NEK4: variants seen among roughly 807,000 people sequenced by gnomAD.
The protein encoded by NEK4 is serine/threonine-protein kinase Nek4.
Under a neutral mutation model 98.4 loss-of-function variants are expected in NEK4, and 86 were observed. That is an observed-to-expected ratio of 0.87 (90% CI 0.73 to 1.05). The LOEUF is 1.05. NEK4 is among the 50% of genes least tolerant of loss of function. The pLI, the probability that NEK4 is intolerant of heterozygous loss-of-function variation, is 0.00. For synonymous variants in NEK4, 328 were observed against 342.2 expected (o/e 0.96, Z 0.46); for missense variants, 898 against 950.3 (o/e 0.94, Z 0.72).
rs1187951172 is a variant in NEK4 at position 52,760,671 on chromosome 3, A to C, written c.963+124T>G. 3 of 743,968 alleles carry C rather than the reference A, an allele frequency of 4.0e-6. No individual in the cohort carries two copies. In the African/African-American group the frequency reaches 5.3e-5, roughly 13 times the overall value. The allele number at this position is 743,968 out of a possible 1,614,324, so 46.1% of individuals were successfully genotyped here. A position where few individuals can be genotyped will look rare whatever the true frequency, so the allele number is the denominator to read the frequency against. On this transcript the variant is annotated intron_variant, in intron 6 of 15. Transcript: ENST00000233027. The stretch of plus-strand genomic sequence containing the variant: ...TAACCAGTATTCTTTCTTTACAGTA[A>C]GGAATTAATTGTACAACAGAATCTC...
chr3:52,733,917 A>C (rs538215018), intron 15 of NEK4: 4 of 279,678 alleles, frequency 1.4e-5, no homozygotes, highest in African/African-American at 8.9e-5. Flanking sequence ...CAACATTGGA[A>C]GACTCACATA....
intron 6 of NEK4, among the ~76,000 whole-genome samples, chr3:52,752,913 A>AT (rs1445089078): frequency 7.9e-5 from 5 of 63,586 alleles, no homozygotes; most frequent in African/African-American, 4.0e-4. Flanking sequence ...AAAAAAAAAA[A>AT]AAAAATATAT....
chr3:52,743,343 G>T lies in NEK4; in HGVS notation c.2004+9C>A. On this transcript the variant is annotated intron_variant, in intron 12 of 15. Transcript: ENST00000233027. ...TGTCCACCTTCTCTCTTAGGAGTAC[G>T]TAATGCACCTGAGTGACGCTGCAGT... 6.2e-7 allele frequency: 1 copy of T among 1,604,892 alleles called. No individual in the cohort carries two copies. Among genetic ancestry groups the T allele is most frequent in the Non-Finnish European group, 8.5e-7 (1 of 1,171,684 alleles).
chr3:52,724,164 C>CAA (rs1243468906), intron 15 of NEK4, among the ~76,000 whole-genome samples: 6 of 151,498 alleles, frequency 4.0e-5, no homozygotes, highest in Non-Finnish European at 2.9e-5. Flanking sequence ...ACCCGGGAGA[C>CAA]AGAGGTTGCA....
At chr3:52,711,986 T>C (rs539906632) in intron 15 of NEK4, 117 bp from the exon 16 acceptor site, 1 of 579,788 alleles carries the variant, frequency 1.7e-6, no homozygotes. Flanking sequence ...TACAGGAAAA[T>C]ACTAATAGTT....
chr3:52,728,046 A>G (rs1475902207), intron 15 of NEK4, among the ~76,000 whole-genome samples: 1 of 152,196 alleles, frequency 6.6e-6, no homozygotes, highest in African/African-American at 2.4e-5. Context: ...CAGCCTGGGC[A>G]ATATAGACAG....
At chr3:52,725,832 C>G (rs915067891) in intron 15 of NEK4, among the ~76,000 whole-genome samples, 16 of 151,726 alleles carry the variant, frequency 1.1e-4, no homozygotes, top group African/African-American at 3.6e-4. Context: ...ATAATGCATA[C>G]AGAACATAAA....
At position 52,760,803 on chromosome 3, in the gene NEK4, A is replaced by T; in HGVS notation, c.955T>A (p.Tyr319Asn). 1 of 1,603,982 alleles carries T rather than the reference A, an allele frequency of 6.2e-7. No homozygotes were observed. Among genetic ancestry groups the T allele is most frequent in the Admixed American group, 1.7e-5 (1 of 57,192 alleles). ...QPLSSEGSQT[Y>N]IMGEGKCLSQ... ...TTTAAAAAGAAACGTACCATTATAT[A>T]TGTCTGGGAGCCCTCAGAAGAGAGT... Residue 319 changes from tyrosine to asparagine, a missense_variant, in exon 6 of 16, where the codon TAT becomes AAT. By Grantham distance (143) the Tyr-to-Asn change is moderately radical (BLOSUM62 -2). Coordinates refer to ENST00000233027, the MANE Select transcript of NEK4 (RefSeq NM_003157.6).
chr3:52,715,383 G>C (rs569515439), intron 15 of NEK4, among the ~76,000 whole-genome samples: 1 of 152,250 alleles, frequency 6.6e-6, no homozygotes, highest in South Asian at 2.1e-4. Context: ...GATCTCCTCT[G>C]AGCTGTTCTC....
intron 14 of NEK4, among the ~76,000 whole-genome samples, chr3:52,738,073 A>G (rs61050295): frequency 1.3e-5 from 2 of 151,676 alleles, no homozygotes; most frequent in East Asian, 1.9e-4. Flanking sequence ...TCAGCCTCCC[A>G]AAGTGCTGGG....
intron 4 of NEK4, among the ~76,000 whole-genome samples, chr3:52,763,867 T>C (rs1007947181): frequency 6.6e-5 from 10 of 152,056 alleles, no homozygotes; most frequent in African/African-American, 2.4e-4. Flanking sequence ...GAAATAAGAG[T>C]ATGAGTTTCC....
chr3:52,767,363 A>G (rs1698605850), intron 2 of NEK4, among the ~76,000 whole-genome samples: 1 of 152,138 alleles, frequency 6.6e-6, no homozygotes, highest in Admixed American at 6.5e-5. Context: ...TCTCAGACCC[A>G]TGAAATCCTC....
In NEK4 at chr3:52,739,648, AT is replaced by A; in HGVS notation, c.2094-15del. On this transcript the variant is annotated splice_polypyrimidine_tract_variant and intron_variant, in intron 13 of 15. Transcript: ENST00000233027. ...GTCTGACCTTTCCTGGGGGAAAAAA[AT>A]ATCCCTTTGTTATTTAATTGGCTTC... is the stretch of plus-strand genomic sequence containing the variant. 6.3e-7 allele frequency: 1 copy of A among 1,598,980 alleles called. No homozygotes were observed. The highest frequency in any genetic ancestry group is 8.6e-7 in the Non-Finnish European group (1 of 1,168,542).
Position 52,711,777 on chromosome 3 carries a change from T to G in NEK4, c.2526A>C (p.Ter842CysextTer10), listed in dbSNP as rs770777005. Residue 842 changes from the stop codon to cysteine (C), a stop_lost, in exon 16 of 16, where the codon TGA becomes TGC. Coordinates refer to ENST00000233027, the MANE Select transcript of NEK4 (RefSeq NM_003157.6). Reference protein sequence around the residue: ...LKFFEENMNF* With the variant: ...LKFFEENMNFC ...TCTGGCAGCAGATTAGGACAAATGC[T>G]CAAAAATTCATGTTTTCTTCAAAAA... The G allele has an allele frequency of 1.3e-6, 2 of 1,596,864 alleles. No homozygotes were observed. The highest frequency in any genetic ancestry group is 2.2e-5 in the South Asian group (2 of 90,190).
chr3:52,751,508 C>G (rs1578677362), intron 7 of NEK4, among the ~76,000 whole-genome samples: 1 of 150,364 alleles, frequency 6.7e-6, no homozygotes, highest in Non-Finnish European at 1.5e-5. Flanking sequence ...GTAATCCCAG[C>G]TACTCAGGAG....
At position 52,711,405 on chromosome 3, in the gene NEK4, A is replaced by G. The variant is rs1185623323; in HGVS notation, c.*372T>C. On this transcript the variant is annotated 3_prime_UTR_variant, in exon 16 of 16. Transcript: ENST00000233027. Reference sequence around the variant, plus strand: ...GTCATTTGTTTCTCCTACTGCTTTTATCTCTACATTACAATATAAAATTTT... The same window carrying G: ...GTCATTTGTTTCTCCTACTGCTTTTGTCTCTACATTACAATATAAAATTTT... 2 of 157,842 alleles carry G rather than the reference A, an allele frequency of 1.3e-5. No homozygotes were observed. The highest frequency in any genetic ancestry group is 2.8e-5 in the Non-Finnish European group (2 of 71,698). 9.8% of individuals were successfully genotyped at this position (157,842 alleles called of 1,614,324 possible).
intron 6 of NEK4, among the ~76,000 whole-genome samples, chr3:52,757,473 G>A (rs1005527994): frequency 1.3e-5 from 2 of 151,532 alleles, no homozygotes; most frequent in Admixed American, 6.6e-5. Flanking sequence ...CAGGAGAATC[G>A]CTTGAACCTG....
In NEK4 at chr3:52,770,756, G is replaced by T; in HGVS notation, c.-10C>A. Reference sequence around the variant, plus strand: ...AGGCGGCCAGGGGCATGTTCCCAGCGCTGGCCCAGAGTCGGGATGCGGCGG... The same window carrying T: ...AGGCGGCCAGGGGCATGTTCCCAGCTCTGGCCCAGAGTCGGGATGCGGCGG... On this transcript the variant is annotated 5_prime_UTR_variant, in exon 1 of 16. Transcript: ENST00000233027. 1 of 1,556,338 alleles carries T rather than the reference G, an allele frequency of 6.4e-7. No homozygotes were observed.
rs376952273 is a variant in NEK4 at position 52,762,363 on chromosome 3, C to CT, written c.821+1106dup. Among the ~76,000 whole-genome samples, 108 of 151,370 alleles carry CT rather than the reference C, an allele frequency of 7.1e-4. 1 individual carries two copies. Among genetic ancestry groups the CT allele is most frequent in the African/African-American group, 2.2e-3 (90 of 41,320 alleles). ...ATATGATTTCTAAAACATATGCCCT[C>CT]TTTTTTTTTATTATTATTTGGCTGC... On this transcript the variant is annotated intron_variant, in intron 5 of 15. Transcript: ENST00000233027.
Sources: allele counts gnomAD v4.1 joint callset (sites outside exome capture counted in the v4.1 genomes callset), GRCh38; gene constraint gnomAD v4.1.1; transcripts MANE v1.5; gene names NCBI Gene and HGNC (gene_info 2026-07-23, HGNC 2026-07-21).